NCKAP5: variants seen among roughly 807,000 people sequenced by gnomAD.
NCKAP5 encodes nck-associated protein 5.
A neutral mutation model predicts 167.0 loss-of-function variants in NCKAP5; 92 were observed. That is an observed-to-expected ratio of 0.55 (90% CI 0.47 to 0.66). The LOEUF (loss-of-function observed/expected upper bound fraction) is 0.66, where lower values mean the gene tolerates loss of function less well. Among genes scored for constraint, NCKAP5 ranks in the 30% least tolerant of loss-of-function variants. NCKAP5 has a pLI of 0.00. For synonymous variants in NCKAP5, 891 were observed against 877.4 expected, an observed-to-expected ratio of 1.02 and a Z score of -0.27; for missense variants, 2,378 against 2,315.0, an observed-to-expected ratio of 1.03 and a Z score of -0.56.
intron 4 of NCKAP5, among the ~76,000 whole-genome samples, chr2:133,235,338 G>A (rs985901615): frequency 3.9e-5 from 6 of 152,074 alleles, no homozygotes; most frequent in African/African-American, 9.7e-5. Flanking sequence ...TGTCCTTTTC[G>A]TGATCTATTT....
intron 4 of NCKAP5, among the ~76,000 whole-genome samples, chr2:133,278,782 C>CA (rs59725110): frequency 0.18 from 16,655 of 93,954 alleles, 1,101 homozygotes; most frequent in East Asian, 0.23. Context: ...CCCTAAACTA[C>CA]AAAAAAAAAA....
intron 5 of NCKAP5, among the ~76,000 whole-genome samples, chr2:133,144,861 G>A (rs1337155332): frequency 6.6e-6 from 1 of 152,128 alleles, no homozygotes; most frequent in East Asian, 1.9e-4. Context: ...TCGCTGCCGT[G>A]TTAGTGTTGT....
At chr2:132,924,675 T>C (rs1574649240) in intron 8 of NCKAP5, among the ~76,000 whole-genome samples, 1 of 152,348 alleles carries the variant, frequency 6.6e-6, no homozygotes, top group East Asian at 1.9e-4. Context: ...ATGAAAGGTT[T>C]AAATAACTAA....
intron 6 of NCKAP5, among the ~76,000 whole-genome samples, chr2:133,026,072 T>A (rs536043956): frequency 1.3e-5 from 2 of 152,328 alleles, no homozygotes; most frequent in South Asian, 4.1e-4. Flanking sequence ...CATTGTGATT[T>A]TGATTTGCAT....
intron 19 of NCKAP5, among the ~76,000 whole-genome samples, chr2:132,685,032 T>G (rs1408626486): frequency 2.0e-5 from 3 of 152,222 alleles, no homozygotes; most frequent in African/African-American, 7.2e-5. Flanking sequence ...TGAACTTCTT[T>G]TCCCTTTAAA....
intron 3 of NCKAP5, among the ~76,000 whole-genome samples, chr2:133,416,877 A>G (rs770330048): frequency 7.2e-5 from 11 of 152,146 alleles, no homozygotes; most frequent in Non-Finnish European, 1.5e-4. Flanking sequence ...CGAGGTTTGG[A>G]AAAAGAGGCT....
At chr2:133,452,306 G>A (rs1691599319) in intron 3 of NCKAP5, among the ~76,000 whole-genome samples, 1 of 152,142 alleles carries the variant, frequency 6.6e-6, no homozygotes, top group Non-Finnish European at 1.5e-5. Context: ...ACTAGGAGAG[G>A]CTCCTTGCTT....
At chr2:133,488,920 TA>T (rs1681174575) in intron 3 of NCKAP5, among the ~76,000 whole-genome samples, 2 of 151,828 alleles carry the variant, frequency 1.3e-5, no homozygotes, top group African/African-American at 2.4e-5. Context: ...TCTCAAAAAA[TA>T]AAAAATAAAT....
intron 4 of NCKAP5, among the ~76,000 whole-genome samples, chr2:133,253,735 A>T (rs914876119): frequency 1.3e-5 from 2 of 152,206 alleles, no homozygotes; most frequent in African/African-American, 4.8e-5. Flanking sequence ...GCCAAGGCCA[A>T]ATGTGTATTT....
chr2:133,326,057 A>G (rs1414311991), intron 3 of NCKAP5, among the ~76,000 whole-genome samples: 3 of 152,220 alleles, frequency 2.0e-5, no homozygotes, highest in Admixed American at 6.5e-5. Context: ...AACTAGAATC[A>G]TGCAGCTCTC....
intron 9 of NCKAP5, 69 bp downstream of exon 9, chr2:132,878,779 T>G: frequency 8.6e-7 from 1 of 1,161,794 alleles, no homozygotes; most frequent in Non-Finnish European, 1.3e-6. Flanking sequence ...CACACACACA[T>G]TTTGAGATCA....
intron 3 of NCKAP5, among the ~76,000 whole-genome samples, chr2:133,446,354 G>C (rs1309707580): frequency 2.0e-5 from 3 of 152,076 alleles, no homozygotes; most frequent in Admixed American, 2.0e-4. Flanking sequence ...TAAAGATAAA[G>C]GAAAATAAAA....
the NCKAP5 span, among the ~76,000 whole-genome samples, chr2:133,604,770 A>G: frequency 6.6e-6 from 1 of 152,144 alleles, no homozygotes; most frequent in Non-Finnish European, 1.5e-5. Flanking sequence ...TAGTCAGTAC[A>G]CGAGTAGGGC....
chr2:133,649,660 T>C, the NCKAP5 span, among the ~76,000 whole-genome samples: 5 of 152,014 alleles, frequency 3.3e-5, no homozygotes, highest in African/African-American at 1.2e-4. Context: ...TCAATAGATA[T>C]AGAAAAAGCA....
chr2:132,827,349 G>A (rs1317076823), intron 11 of NCKAP5, among the ~76,000 whole-genome samples: 1 of 152,014 alleles, frequency 6.6e-6, no homozygotes, highest in Non-Finnish European at 1.5e-5. Context: ...TTGGCCATTT[G>A]TAGATCCTTT....
At chr2:133,597,986 C>T in the NCKAP5 span, among the ~76,000 whole-genome samples, 1 of 152,168 alleles carries the variant, frequency 6.6e-6, no homozygotes, top group Non-Finnish European at 1.5e-5. Flanking sequence ...GAATACCCAC[C>T]TGGGTAAACT....
chr2:132,872,553 C>T (rs1478746424), intron 9 of NCKAP5, among the ~76,000 whole-genome samples: 1 of 152,206 alleles, frequency 6.6e-6, no homozygotes, highest in Non-Finnish European at 1.5e-5. Flanking sequence ...AGCCAATTCT[C>T]AGCCAAGGGC....
intron 3 of NCKAP5, among the ~76,000 whole-genome samples, chr2:133,420,746 C>T (rs1473946027): frequency 1.3e-5 from 2 of 152,114 alleles, no homozygotes. Flanking sequence ...TCACAGCAAA[C>T]CGCCAGGAGG....
chr2:132,739,447 C>T (rs1344627686), intron 16 of NCKAP5, among the ~76,000 whole-genome samples: 2 of 152,136 alleles, frequency 1.3e-5, no homozygotes, highest in African/African-American at 4.8e-5. Flanking sequence ...TGCTTGGCTA[C>T]CTGCTTGCTG....
Sources: gnomAD v4.1 joint callset for allele counts (sites outside exome capture counted in the v4.1 genomes callset) on GRCh38, gnomAD v4.1.1 for gene constraint, MANE v1.5 for transcripts, NCBI Gene and HGNC (gene_info 2026-07-23, HGNC 2026-07-21) for gene names.